The following C2orf92 variants were observed in gnomAD, a reference collection of about 807,000 sequenced individuals.
The protein encoded by C2orf92 is uncharacterized protein C2orf92.
intron 6 of C2orf92, 61 bp from the exon 7 acceptor site, chr2:97,701,093 C>T: frequency 2.5e-6 from 1 of 397,574 alleles, no homozygotes; most frequent in Non-Finnish European, 4.4e-6. Flanking sequence ...CAGGCTTAGT[C>T]CTGGTTGTGG....
At position 97,690,115 on chromosome 2, in the gene C2orf92, C is replaced by T. The variant is rs773231980; in HGVS notation, c.332-141C>T. 61 of 344,150 alleles carry T rather than the reference C, an allele frequency of 1.8e-4. 1 individual carries two copies. Among genetic ancestry groups the T allele is most frequent in the Admixed American group, 6.7e-4 (14 of 20,888 alleles). The allele number at this position is 344,150 out of a possible 1,614,324, so 21.3% of individuals were successfully genotyped here. ...CACTGCACTCCAGCCTGGGTGACTGCGAGACTCTGTCTCAAAAGACAAAAA... is the reference window on the plus strand; with the variant it reads ...CACTGCACTCCAGCCTGGGTGACTGTGAGACTCTGTCTCAAAAGACAAAAA... On this transcript the variant is annotated intron_variant, in intron 4 of 7. Transcript: ENST00000627399.
chr2:97,678,148 C>T (rs760444430), intron 3 of C2orf92, among the ~76,000 whole-genome samples: 4 of 151,152 alleles, frequency 2.6e-5, no homozygotes, highest in Admixed American at 1.3e-4. Context: ...TGCAGTGAGC[C>T]GAGATCGCGC....
chr2:97,663,992 C>T, upstream of C2orf92: 3 of 679,840 alleles, frequency 4.4e-6, no homozygotes, highest in Non-Finnish European at 6.1e-6. Context: ...GACGCGGCGC[C>T]GCTGCCCTCC....
chr2:97,690,564 G>A (rs1048860577), intron 5 of C2orf92, among the ~76,000 whole-genome samples: 2 of 152,028 alleles, frequency 1.3e-5, no homozygotes, highest in Admixed American at 1.3e-4. Flanking sequence ...GTATTTTTTA[G>A]TAGAGACAGG....
At chr2:97,686,547 G>A (rs541724526) in intron 3 of C2orf92, among the ~76,000 whole-genome samples, 8 of 152,052 alleles carry the variant, frequency 5.3e-5, no homozygotes, top group Admixed American at 1.3e-4. Context: ...AGCCTCCCGC[G>A]TAGCTGGGAT....
chr2:97,699,348 C>A (rs1676416513), intron 6 of C2orf92, among the ~76,000 whole-genome samples: 2 of 152,166 alleles, frequency 1.3e-5, no homozygotes, highest in Non-Finnish European at 2.9e-5. Context: ...GTAATCCCAG[C>A]ACTTTAGGAG....
intron 3 of C2orf92, among the ~76,000 whole-genome samples, chr2:97,685,305 G>T (rs1321719119): frequency 2.4e-5 from 3 of 126,250 alleles, no homozygotes; most frequent in Non-Finnish European, 1.7e-5. Flanking sequence ...TCGCTCTGTC[G>T]CCCAGGCTGG....
At chr2:97,680,701 C>A (rs546349513) in intron 3 of C2orf92, among the ~76,000 whole-genome samples, 1 of 152,010 alleles carries the variant, frequency 6.6e-6, no homozygotes, top group Non-Finnish European at 1.5e-5. Flanking sequence ...CCGAGGCGGG[C>A]GGATCATGAG....
intron 5 of C2orf92, among the ~76,000 whole-genome samples, chr2:97,693,484 T>C (rs1350929545): frequency 6.6e-6 from 1 of 152,250 alleles, no homozygotes; most frequent in Non-Finnish European, 1.5e-5. Flanking sequence ...CTTGTTAACA[T>C]TTGTTATTAC....
chr2:97,671,645 A>T (rs1354368607), intron 1 of C2orf92: 1 of 394,706 alleles, frequency 2.5e-6, no homozygotes, highest in Admixed American at 4.4e-5. Flanking sequence ...TCTACGTGTC[A>T]CAGTCTCAGG....
At chr2:97,666,452 G>A (rs1044432732), upstream of C2orf92, among the ~76,000 whole-genome samples, 3 of 147,678 alleles carry the variant, frequency 2.0e-5, no homozygotes, top group Admixed American at 1.4e-4. Flanking sequence ...TAGGAGAATC[G>A]CTTGAACCCA....
intron 1 of C2orf92, chr2:97,664,594 C>T (rs1323959476): frequency 1.3e-5 from 2 of 151,870 alleles, no homozygotes; most frequent in Admixed American, 6.6e-5. Context: ...GAAATAGTCT[C>T]CGTAGAGACT....
At chr2:97,698,440 C>G (rs1396942826) in intron 5 of C2orf92, among the ~76,000 whole-genome samples, 4 of 152,234 alleles carry the variant, frequency 2.6e-5, no homozygotes, top group African/African-American at 9.7e-5. Flanking sequence ...TCTGCAATCC[C>G]TCTACTGATA....
At chr2:97,681,165 T>TAAA (rs1553564847) in intron 3 of C2orf92, among the ~76,000 whole-genome samples, 1 of 145,240 alleles carries the variant, frequency 6.9e-6, no homozygotes, top group African/African-American at 2.6e-5. Context: ...AGTAAAGGAA[T>TAAA]AGACTTGAAC....
At chr2:97,694,639 G>C (rs1466515590) in intron 5 of C2orf92, 8 of 152,044 alleles carry the variant, frequency 5.3e-5, no homozygotes, top group Admixed American at 5.2e-4. Flanking sequence ...CTTATCCCTT[G>C]ATGGATATTT....
intron 1 of C2orf92, chr2:97,674,198 T>A (rs1675503616): frequency 1.3e-5 from 4 of 304,590 alleles, no homozygotes; most frequent in Non-Finnish European, 1.8e-5. Context: ...AGAAGGAGAA[T>A]TATGGCACTG....
intron 1 of C2orf92, chr2:97,671,445 C>T (rs1307577574): frequency 5.0e-6 from 2 of 398,494 alleles, no homozygotes; most frequent in Middle Eastern, 6.2e-4. Context: ...CGGCACCTGG[C>T]CTGAATTTTC....
intron 3 of C2orf92, among the ~76,000 whole-genome samples, chr2:97,685,455 CG>C (rs938335676): frequency 2.0e-5 from 3 of 151,690 alleles, no homozygotes; most frequent in Non-Finnish European, 4.4e-5. Flanking sequence ...TTAGTAGAAA[CG>C]GGGTTTCACT....
At chr2:97,691,887 C>A (rs1296122977) in intron 5 of C2orf92, among the ~76,000 whole-genome samples, 2 of 152,222 alleles carry the variant, frequency 1.3e-5, no homozygotes, top group Non-Finnish European at 2.9e-5. Flanking sequence ...AAACTCCGTG[C>A]TGGGATTACA....
Sources: gnomAD v4.1 joint callset for allele counts (sites outside exome capture counted in the v4.1 genomes callset) on GRCh38, gnomAD v4.1.1 for gene constraint, MANE v1.5 for transcripts, NCBI Gene and HGNC (gene_info 2026-07-23, HGNC 2026-07-21) for gene names.